Variants in ABCC1 observed in about 807,000 individuals in gnomAD.
The protein encoded by ABCC1 is ATP binding cassette subfamily C member 1 (ABCC1 blood group), also known as multidrug resistance-associated protein 1.
A neutral mutation model predicts 172.9 loss-of-function variants in ABCC1; 83 were observed. The ratio of observed to expected loss-of-function variants is 0.48; its 90% confidence interval spans 0.40 to 0.58. ABCC1 has a LOEUF of 0.58. Ranked by LOEUF, ABCC1 falls within the 20% of genes least tolerant of loss-of-function variation. The probability of loss-of-function intolerance (pLI) is 0.00; values close to 1 mark genes in which losing one functional copy is unlikely to be tolerated. For synonymous variants in ABCC1, 937 were observed against 825.2 expected, an observed-to-expected ratio of 1.14 and a Z score of -2.32; for missense variants, 1,817 against 2,002.7, an observed-to-expected ratio of 0.91 and a Z score of 1.77.
chr16:16,068,408 G>A (rs1037639025), intron 13 of ABCC1, 106 bp downstream of exon 13: 15 of 1,358,814 alleles, frequency 1.1e-5, no homozygotes, highest in East Asian at 4.6e-5. Context: ...ACTCCCGGTC[G>A]GGCTCCATGA....
chr16:16,084,818 GC>G (rs2050946227), intron 17 of ABCC1, among the ~76,000 whole-genome samples: 1 of 152,008 alleles, frequency 6.6e-6, no homozygotes, highest in African/African-American at 2.4e-5. Context: ...ATGGGATTTC[GC>G]TGTGTTGGCC....
rs778702741 is a variant in ABCC1, at chr16:16,012,710, CAG to C, written c.352-1778_352-1777del. 3.9e-3 allele frequency among the ~76,000 whole-genome samples: 357 copies of C among 92,186 alleles called. 2 individuals carry two copies. The highest frequency in any genetic ancestry group is 5.7e-3 in the Non-Finnish European group (263 of 45,900). The allele number at this position is 92,186 out of a possible 152,430, so 60.5% of individuals were successfully genotyped here. A position where few individuals can be genotyped will look rare whatever the true frequency, so the allele number is the denominator to read the frequency against. On this transcript the variant is annotated intron_variant, in intron 3 of 30. Coordinates refer to ENST00000399410, the MANE Select transcript of ABCC1 (RefSeq NM_004996.4). ...GGTCTTTTTTTTTTTTCCTTTGAGG[CAG>C]AGTTTCGCTCTTTTTTCCCAGGCGC...
chr16:15,965,326 C>G (rs568419964), intron 1 of ABCC1, among the ~76,000 whole-genome samples: 8 of 150,554 alleles, frequency 5.3e-5, no homozygotes, highest in African/African-American at 1.5e-4. Flanking sequence ...GAGTCTTGTT[C>G]TGTCGCCCAG....
chr16:16,068,496 A>G (rs1020371500), intron 13 of ABCC1, among the ~76,000 whole-genome samples, 194 bp downstream of exon 13: 6 of 152,194 alleles, frequency 3.9e-5, no homozygotes, highest in African/African-American at 1.2e-4. Flanking sequence ...TTGACAGAGA[A>G]CTCGCACTTG....
At chr16:16,039,791 G>C (rs573629379) in intron 7 of ABCC1, among the ~76,000 whole-genome samples, 1 of 152,154 alleles carries the variant, frequency 6.6e-6, no homozygotes, top group South Asian at 2.1e-4. Flanking sequence ...GCATTGGAGG[G>C]AGTGAGCCTT....
At chr16:16,053,292 A>G (rs1567352613) in intron 11 of ABCC1, among the ~76,000 whole-genome samples, 1 of 152,058 alleles carries the variant, frequency 6.6e-6, no homozygotes, top group Non-Finnish European at 1.5e-5. Context: ...AAATTAAAAT[A>G]ATTAATTTCT....
intron 1 of ABCC1, among the ~76,000 whole-genome samples, chr16:15,985,479 T>C (rs2046721972): frequency 6.6e-6 from 1 of 152,126 alleles, no homozygotes; most frequent in Non-Finnish European, 1.5e-5. Flanking sequence ...AGTTTTGCTT[T>C]TGTTGCCCAG....
chr16:16,072,451 C>T (rs570858635), intron 14 of ABCC1, among the ~76,000 whole-genome samples: 1 of 150,392 alleles, frequency 6.6e-6, no homozygotes, highest in East Asian at 2.0e-4. Flanking sequence ...TCCCAAAGTG[C>T]TGGGCTTATA....
intron 23 of ABCC1, among the ~76,000 whole-genome samples, chr16:16,119,089 A>T (rs1262925015): frequency 6.6e-6 from 1 of 152,142 alleles, no homozygotes; most frequent in Non-Finnish European, 1.5e-5. Context: ...TATCTCAGAG[A>T]TGTTATAGTG....
At chr16:16,138,298 G>A (rs2045991617) in intron 29 of ABCC1, 66 bp from the exon 30 acceptor site, 2 of 1,473,334 alleles carry the variant, frequency 1.4e-6, no homozygotes, top group East Asian at 2.3e-5. Flanking sequence ...CCCAGCCTGG[G>A]CCTAGGTTCA....
intron 1 of ABCC1, among the ~76,000 whole-genome samples, chr16:15,993,472 C>G (rs2046944149): frequency 6.6e-6 from 1 of 152,112 alleles, no homozygotes. Flanking sequence ...ATTTTTGCCT[C>G]TCTGGAGATA....
chr16:16,121,887 C>A, intron 23 of ABCC1, 88 bp from the exon 24 acceptor site: 1 of 1,440,404 alleles, frequency 6.9e-7, no homozygotes, highest in Non-Finnish European at 9.6e-7. Context: ...GTATCGGTTA[C>A]GTCTAGATGT....
intron 3 of ABCC1, among the ~76,000 whole-genome samples, chr16:16,012,193 T>C (rs2047810922): frequency 6.6e-6 from 1 of 152,114 alleles, no homozygotes; most frequent in African/African-American, 2.4e-5. Context: ...ACGTTGTAAA[T>C]AAGGTAAGCA....
chr16:16,125,955 C>G (rs1251695701), intron 26 of ABCC1, 44 bp downstream of exon 26: 3 of 1,477,804 alleles, frequency 2.0e-6, no homozygotes, highest in Admixed American at 3.4e-5. Flanking sequence ...TTTGGTGTAG[C>G]TTTACCCCAA....
intron 20 of ABCC1, chr16:16,105,423 C>T (rs1448779779): frequency 6.6e-6 from 1 of 152,234 alleles, no homozygotes; most frequent in Admixed American, 6.5e-5. Flanking sequence ...TTCCACCTCA[C>T]TAGGCCTTAA....
At chr16:16,042,024 G>C (rs1223521295) in intron 7 of ABCC1, among the ~76,000 whole-genome samples, 1 of 152,004 alleles carries the variant, frequency 6.6e-6, no homozygotes, top group Non-Finnish European at 1.5e-5. Context: ...GAATTGTTTG[G>C]ATTTAAAAAC....
At chr16:15,952,584 G>A (rs2045897659) in intron 1 of ABCC1, among the ~76,000 whole-genome samples, 1 of 151,894 alleles carries the variant, frequency 6.6e-6, no homozygotes, top group Admixed American at 6.6e-5. Flanking sequence ...CGGAAAATAG[G>A]GCCTGAGGAC....
intron 12 of ABCC1, among the ~76,000 whole-genome samples, chr16:16,064,738 C>G (rs1252573885): frequency 6.6e-6 from 1 of 152,186 alleles, no homozygotes; most frequent in Non-Finnish European, 1.5e-5. Context: ...CATTATCTAT[C>G]CAGCAGACAT....
chr16:16,007,214 T>TTGTGTG (rs71388788), intron 1 of ABCC1, among the ~76,000 whole-genome samples: 14,680 of 145,738 alleles, frequency 0.1, 826 homozygotes, highest in Non-Finnish European at 0.13. Flanking sequence ...GTATGCACTG[T>TTGTGTG]TGTGTGTGTG....
Sources: allele counts gnomAD v4.1 joint callset (sites outside exome capture counted in the v4.1 genomes callset), GRCh38; gene constraint gnomAD v4.1.1; transcripts MANE v1.5; gene names NCBI Gene and HGNC (gene_info 2026-07-23, HGNC 2026-07-21).